Variants in MAGI1 observed in about 807,000 individuals in gnomAD.
MAGI1 encodes the protein membrane associated guanylate kinase, WW and PDZ domain containing 1.
In MAGI1, 58 loss-of-function variants were observed where a neutral mutation model predicts 139.9. The ratio of observed to expected loss-of-function variants is 0.41; its 90% CI spans 0.34 to 0.52. MAGI1 has a LOEUF of 0.52. Ranked by LOEUF, MAGI1 falls within the 20% of genes least tolerant of loss-of-function variation. MAGI1 has a pLI of 0.12. For missense variants in MAGI1, 1,874 were observed against 1,901.6 expected (o/e 0.99, Z 0.27); for synonymous variants, 812 against 737.9 (o/e 1.10, Z -1.63).
chr3:65,904,567 T>C (rs1156996794), intron 1 of MAGI1, among the ~76,000 whole-genome samples: 1 of 152,156 alleles, frequency 6.6e-6, no homozygotes, highest in Non-Finnish European at 1.5e-5. Flanking sequence ...CTCCAAGCTC[T>C]GCCCACTTCT....
intron 1 of MAGI1, among the ~76,000 whole-genome samples, chr3:65,871,101 G>A (rs1231318544): frequency 6.6e-6 from 1 of 151,970 alleles, no homozygotes. Context: ...ACCACGCCCA[G>A]CTAATTTTGT....
At chr3:65,856,445 G>A (rs567652467) in intron 1 of MAGI1, among the ~76,000 whole-genome samples, 9 of 152,132 alleles carry the variant, frequency 5.9e-5, no homozygotes, top group Admixed American at 1.3e-4. Context: ...ACTCAATAAA[G>A]TGTGACCAGA....
chr3:65,737,251 T>C lies in MAGI1; in HGVS notation c.314-115163A>G, dbSNP rs187283784. Among the ~76,000 whole-genome samples the C allele has an allele frequency of 5.1e-4, 77 of 152,302 alleles. No individual in the cohort carries two copies. The East Asian group carries it at 0.013, about 26-fold the overall frequency. On this transcript the variant is annotated intron_variant, in intron 1 of 22. Coordinates refer to ENST00000402939, the MANE Select transcript of MAGI1 (RefSeq NM_001033057.2). ...CAATCTCCTGACCTCGTGATCCACC[T>C]GCCTCAGCCTCCCAAAGTGCTGGGA...
rs138282597 is a variant in MAGI1 at position 65,840,547 on chromosome 3, A to G, written c.313+197449T>C. Among the ~76,000 whole-genome samples, 84 of 152,332 alleles carry G rather than the reference A, an allele frequency of 5.5e-4. 2 individuals are homozygous for G. Among genetic ancestry groups the G allele is most frequent in the African/African-American group, 1.9e-3 (81 of 41,584 alleles). On this transcript the variant is annotated intron_variant, in intron 1 of 22. Coordinates refer to ENST00000402939, the MANE Select transcript of MAGI1 (RefSeq NM_001033057.2). ...GTGATTTTTCTTTCTTAGCCTGTCA[A>G]TAAGGTGAATTACCTTGATTGATTT... is the stretch of plus-strand genomic sequence containing the variant.
intron 1 of MAGI1, among the ~76,000 whole-genome samples, chr3:65,640,133 G>A (rs1002742761): frequency 2.6e-5 from 4 of 151,986 alleles, no homozygotes; most frequent in African/African-American, 9.7e-5. Context: ...AGCTCCTCTG[G>A]GTCTTCAGCT....
chr3:65,854,949 C>T (rs2108411999), intron 1 of MAGI1, among the ~76,000 whole-genome samples: 1 of 152,346 alleles, frequency 6.6e-6, no homozygotes, highest in South Asian at 2.1e-4. Context: ...CAAACGTCTA[C>T]AGGGACAAGG....
At chr3:65,702,029 G>A (rs2089652170) in intron 1 of MAGI1, among the ~76,000 whole-genome samples, 3 of 151,868 alleles carry the variant, frequency 2.0e-5, no homozygotes, top group Admixed American at 6.6e-5. Flanking sequence ...CTAGGATGTG[G>A]CCCTTAGGAA....
At chr3:65,981,139 G>A (rs1576345708) in intron 1 of MAGI1, among the ~76,000 whole-genome samples, 5 of 128,302 alleles carry the variant, frequency 3.9e-5, no homozygotes, top group African/African-American at 1.5e-4. Context: ...GTGACAGAGT[G>A]AGACTCCATC....
intron 1 of MAGI1, among the ~76,000 whole-genome samples, chr3:65,950,030 CA>C (rs1433604737): frequency 6.1e-5 from 6 of 98,830 alleles, no homozygotes; most frequent in African/African-American, 2.4e-4. Flanking sequence ...GCCTGGGCAA[CA>C]GAGCCAGATC....
intron 1 of MAGI1, among the ~76,000 whole-genome samples, chr3:65,824,040 T>G (rs946866764): frequency 3.3e-5 from 5 of 152,168 alleles, no homozygotes; most frequent in Non-Finnish European, 5.9e-5. Flanking sequence ...TTTCCTAGAG[T>G]TCCTACCACA....
chr3:65,802,579 T>C (rs1018946711), intron 1 of MAGI1, among the ~76,000 whole-genome samples: 1 of 152,230 alleles, frequency 6.6e-6, no homozygotes, highest in Admixed American at 6.5e-5. Flanking sequence ...GCAGTGGCTC[T>C]TGCAAATTGT....
chr3:65,608,551 C>T (rs1458135266), intron 2 of MAGI1, among the ~76,000 whole-genome samples: 1 of 152,036 alleles, frequency 6.6e-6, no homozygotes, highest in African/African-American at 2.4e-5. Flanking sequence ...TATCATTCTA[C>T]ATCAGAAAAA....
chr3:65,566,677 G>A (rs2108045179), intron 2 of MAGI1, among the ~76,000 whole-genome samples: 1 of 152,216 alleles, frequency 6.6e-6, no homozygotes, highest in South Asian at 2.1e-4. Flanking sequence ...GTGTCCAAGA[G>A]TTTAGTCATT....
At chr3:65,900,622 C>A (rs1223619613) in intron 1 of MAGI1, among the ~76,000 whole-genome samples, 1 of 152,108 alleles carries the variant, frequency 6.6e-6, no homozygotes, top group East Asian at 1.9e-4. Flanking sequence ...GTAAGAGGCC[C>A]CACAAAGAAA....
At chr3:65,736,019 C>G (rs1260062794) in intron 1 of MAGI1, among the ~76,000 whole-genome samples, 4 of 152,176 alleles carry the variant, frequency 2.6e-5, no homozygotes, top group Non-Finnish European at 5.9e-5. Flanking sequence ...ATCTTCATCT[C>G]TAAAGACACT....
At chr3:65,814,831 G>A (rs1194630420) in intron 1 of MAGI1, among the ~76,000 whole-genome samples, 1 of 152,130 alleles carries the variant, frequency 6.6e-6, no homozygotes, top group Non-Finnish European at 1.5e-5. Context: ...TTAAAACAAA[G>A]ACATAAAATG....
chr3:65,924,366 C>T (rs190672785), intron 1 of MAGI1, among the ~76,000 whole-genome samples: 157 of 152,268 alleles, frequency 1.0e-3, no homozygotes, highest in African/African-American at 3.7e-3. Context: ...GCATCTCCCT[C>T]CCCAGAACAC....
intron 1 of MAGI1, among the ~76,000 whole-genome samples, chr3:65,905,305 AC>A (rs1403341893): frequency 6.6e-6 from 1 of 152,198 alleles, no homozygotes; most frequent in East Asian, 1.9e-4. Context: ...AGCACACCCT[AC>A]AAAATACAAG....
In MAGI1 at chr3:65,477,687, C is replaced by T. The variant is rs989271709; in HGVS notation, c.757+905G>A. 3.1e-4 allele frequency among the ~76,000 whole-genome samples: 35 copies of T among 113,356 alleles called. 1 individual carries two copies. The highest frequency in any genetic ancestry group is 3.5e-4 in the South Asian group (1 of 2,824). The allele number at this position is 113,356 out of a possible 152,430, so 74.4% of individuals were successfully genotyped here. A position where few individuals can be genotyped will look rare whatever the true frequency, so the allele number is the denominator to read the frequency against. On this transcript the variant is annotated intron_variant, in intron 4 of 22. Coordinates refer to ENST00000402939, the MANE Select transcript of MAGI1 (RefSeq NM_001033057.2). ...GGTCACTGCACTAACCCAAGGAACA[C>T]GCAACATTATTATTATTATTATTAT...
Sources: gnomAD v4.1 joint callset for allele counts (sites outside exome capture counted in the v4.1 genomes callset) on GRCh38, gnomAD v4.1.1 for gene constraint, MANE v1.5 for transcripts, NCBI Gene and HGNC (gene_info 2026-07-23, HGNC 2026-07-21) for gene names.